MYO7B: variants seen among roughly 807,000 people sequenced by gnomAD.
The protein encoded by MYO7B is unconventional myosin-VIIb.
A neutral mutation model predicts 259.7 loss-of-function variants in MYO7B; 212 were observed. The observed-to-expected ratio is 0.82, with a 90% CI of 0.73 to 0.91. MYO7B has a LOEUF of 0.91. Among genes scored for constraint, MYO7B ranks in the 40% least tolerant of loss-of-function variants. MYO7B has a pLI of 0.00. For synonymous variants in MYO7B, 1,197 were observed against 1,166.4 expected (o/e 1.03, Z -0.54); for missense variants, 2,732 against 2,813.5 (o/e 0.97, Z 0.66).
chr2:127,618,415 AG>A (rs1329350253), intron 26 of MYO7B, among the ~76,000 whole-genome samples: 2 of 152,134 alleles, frequency 1.3e-5, no homozygotes, highest in Non-Finnish European at 2.9e-5. Flanking sequence ...AGCAGGGAGG[AG>A]GAGGTAACGA....
In MYO7B at chr2:127,636,959, T is replaced by C. The variant is rs759368870; in HGVS notation, c.6327+46T>C. On this transcript the variant is annotated intron_variant, in intron 47 of 47. Transcript: ENST00000409816. The surrounding 1 kb of genome is among the most constrained non-coding windows in gnomAD (Gnocchi z 4.5). ...CCATCCAAGATGCATAGGACAGAGC[T>C]GCTGGAGACTGGGTTCCCCACCCTC... The C allele has an allele frequency of 1.2e-6, 2 of 1,602,082 alleles. No individual in the cohort carries two copies. The highest frequency in any genetic ancestry group is 1.7e-6 in the Non-Finnish European group (2 of 1,179,324).
At position 127,609,342 on chromosome 2, in the gene MYO7B, A is replaced by G. The variant is rs949877397; in HGVS notation, c.2815-164A>G. Among the ~76,000 whole-genome samples the G allele has an allele frequency of 5.9e-5, 9 of 152,114 alleles. No individual in the cohort carries two copies. Among genetic ancestry groups the G allele is most frequent in the Middle Eastern group, 3.2e-3 (1 of 316 alleles). ...AGAGAGCCCTGTGCTGGCACACGGC[A>G]GCCCACCTGAGCCCACTGAATGTGG... On this transcript the variant is annotated intron_variant, in intron 22 of 47. Coordinates refer to ENST00000409816, the MANE Select transcript of MYO7B (RefSeq NM_001393586.1). The surrounding 1 kb of genome is among the most constrained non-coding windows in gnomAD (Gnocchi z 6.9).
rs143722316 is a variant in MYO7B at position 127,587,625 on chromosome 2, A to G, written c.1691-767A>G. 4.6e-4 allele frequency among the ~76,000 whole-genome samples: 67 copies of G among 144,780 alleles called. No homozygotes were observed. The East Asian group carries it at 0.013, about 29-fold the overall frequency. 95.0% of individuals were successfully genotyped at this position (144,780 alleles called of 152,430 possible). On this transcript the variant is annotated intron_variant, in intron 14 of 47. Coordinates refer to ENST00000409816, the MANE Select transcript of MYO7B (RefSeq NM_001393586.1). ...ACTGTGTCACCCAAGCTGGAGTGCA[A>G]TAGTGTGATCTCAGCTCACTGCAAC...
At chr2:127,582,576 G>A (rs1041870950) in intron 12 of MYO7B, 130 bp downstream of exon 12, 11 of 1,116,372 alleles carry the variant, frequency 9.9e-6, no homozygotes, top group African/African-American at 7.8e-5. Flanking sequence ...CCAGATCCGT[G>A]TGCTCTGCAT....
At chr2:127,605,255 T>C (rs1011333518) in intron 19 of MYO7B, among the ~76,000 whole-genome samples, 11 of 152,104 alleles carry the variant, frequency 7.2e-5, no homozygotes, top group African/African-American at 2.7e-4. Flanking sequence ...CTTTTGTAGC[T>C]CTTTGGGGGT....
At chr2:127,541,701 C>T (rs1406586776) in intron 1 of MYO7B, among the ~76,000 whole-genome samples, 3 of 152,202 alleles carry the variant, frequency 2.0e-5, no homozygotes, top group Non-Finnish European at 4.4e-5. Flanking sequence ...TGTGATGTTG[C>T]AGAGGATAGG....
At chr2:127,610,050 G>A (rs370973217) in intron 24 of MYO7B, 34 bp downstream of exon 24, 22 of 1,599,198 alleles carry the variant, frequency 1.4e-5, no homozygotes, top group Middle Eastern at 4.2e-4. Flanking sequence ...AGAGGAGGGC[G>A]ACACCTACCA....
intron 19 of MYO7B, among the ~76,000 whole-genome samples, chr2:127,603,990 G>A (rs2264726): frequency 0.26 from 40,165 of 152,008 alleles, 5,741 homozygotes; most frequent in Middle Eastern, 0.36. Context: ...AAAATTAGCC[G>A]GGCATGGTAG....
At chr2:127,591,778 G>T (rs1385250269) in intron 16 of MYO7B, among the ~76,000 whole-genome samples, 1 of 152,144 alleles carries the variant, frequency 6.6e-6, no homozygotes. Context: ...CCAAGCCATG[G>T]CAGAGTCTTG....
At chr2:127,563,308 G>T (rs1285145654) in intron 2 of MYO7B, among the ~76,000 whole-genome samples, 1 of 152,158 alleles carries the variant, frequency 6.6e-6, no homozygotes, top group African/African-American at 2.4e-5. Context: ...GTTCCTTTTG[G>T]ATTACTTCTC....
At chr2:127,568,047 A>G (rs1678430788) in intron 5 of MYO7B, among the ~76,000 whole-genome samples, 1 of 152,150 alleles carries the variant, frequency 6.6e-6, no homozygotes, top group African/African-American at 2.4e-5. Flanking sequence ...TTCCCATGAT[A>G]TGGTCTCATG....
Position 127,581,913 on chromosome 2 carries a change from A to G in MYO7B, c.1103A>G (p.Asp368Gly). ...LLEVQHQELRDCLIKHTILIR... is the reference protein window; with the variant it reads ...LLEVQHQELRGCLIKHTILIR... Reference sequence around the variant, plus strand: ...CAGGTGCAGCACCAGGAGCTCCGGGACTGTCTGATCAAGCACACCATCCTC... The same window carrying G: ...CAGGTGCAGCACCAGGAGCTCCGGGGCTGTCTGATCAAGCACACCATCCTC... Residue 368 changes from aspartate to glycine, a missense_variant, in exon 11 of 48, where the codon GAC becomes GGC. Physicochemically the swap from Asp to Gly is moderately conservative, Grantham distance 94 (BLOSUM62 -1). Coordinates refer to ENST00000409816, the MANE Select transcript of MYO7B (RefSeq NM_001393586.1). 6.2e-7 allele frequency: 1 copy of G among 1,613,772 alleles called. No homozygotes were observed. Among genetic ancestry groups the G allele is most frequent in the Non-Finnish European group, 8.5e-7 (1 of 1,179,830 alleles).
chr2:127,572,981 C>T (rs995428467), intron 6 of MYO7B, among the ~76,000 whole-genome samples: 2 of 151,524 alleles, frequency 1.3e-5, no homozygotes, highest in Non-Finnish European at 1.5e-5. Flanking sequence ...TAAAGAGACA[C>T]CCAACCAGTC....
At chr2:127,602,895 G>C (rs1680018421) in intron 19 of MYO7B, among the ~76,000 whole-genome samples, 1 of 151,988 alleles carries the variant, frequency 6.6e-6, no homozygotes, top group African/African-American at 2.4e-5. Flanking sequence ...AGCTACTCAG[G>C]AGGTTGAGGT....
intron 11 of MYO7B, 139 bp downstream of exon 11, chr2:127,582,149 G>A (rs1466482634): frequency 6.8e-7 from 1 of 1,471,170 alleles, no homozygotes; most frequent in African/African-American, 1.4e-5. Context: ...TGGTGACCAT[G>A]GACTCCTCAG....
chr2:127,624,334 G>A lies in MYO7B; in HGVS notation c.4047+14G>A, dbSNP rs1366344649. On this transcript the variant is annotated intron_variant, in intron 30 of 47. Transcript: ENST00000409816. ...AGCTTCGAGAAGGTGAGGGGCCTGA[G>A]AGCCAGGTCCACCCTAGGCTTTGCC... 6.4e-7 allele frequency: 1 copy of A among 1,558,594 alleles called. No homozygotes were observed. Among genetic ancestry groups the A allele is most frequent in the African/African-American group, 1.4e-5 (1 of 73,396 alleles).
chr2:127,596,760 C>A (rs954995654), intron 19 of MYO7B, among the ~76,000 whole-genome samples: 3 of 152,130 alleles, frequency 2.0e-5, no homozygotes, highest in Non-Finnish European at 4.4e-5. Flanking sequence ...TTGGAAAAAA[C>A]AAAAAAACAC....
In MYO7B at chr2:127,627,497, T is replaced by G; in HGVS notation, c.4460+187T>G. 2 of 829,690 alleles carry G rather than the reference T, an allele frequency of 2.4e-6. No individual in the cohort carries two copies. The highest frequency in any genetic ancestry group is 2.0e-5 in the Admixed American group (1 of 49,580). 51.4% of individuals were successfully genotyped at this position (829,690 alleles called of 1,614,324 possible). On this transcript the variant is annotated intron_variant, in intron 33 of 47. Coordinates refer to ENST00000409816, the MANE Select transcript of MYO7B (RefSeq NM_001393586.1). This position sits in a 1 kb window ranked among gnomAD's most constrained non-coding sequence, Gnocchi z 5.6. ...CCCACCCTCCTGCACCAGGCCGTAC[T>G]GCCCATGAAGTACTCCATTGGGGCA...
intron 19 of MYO7B, among the ~76,000 whole-genome samples, chr2:127,601,834 C>T (rs941698671): frequency 3.3e-5 from 5 of 152,090 alleles, no homozygotes; most frequent in African/African-American, 1.2e-4. Flanking sequence ...CAAGAATATA[C>T]AGCAGGTGTT....
Sources: allele counts gnomAD v4.1 joint callset (sites outside exome capture counted in the v4.1 genomes callset), GRCh38; gene constraint gnomAD v4.1.1; non-coding constraint Gnocchi (gnomAD v3.1); transcripts MANE v1.5; gene names NCBI Gene and HGNC (gene_info 2026-07-23, HGNC 2026-07-21).